The following AKR1C3 variants were observed in gnomAD, a reference collection of about 807,000 sequenced individuals.
AKR1C3 encodes 3-alpha hydroxysteroid dehydrogenase, type II.
A neutral mutation model predicts 43.6 loss-of-function variants in AKR1C3; 48 were observed. The ratio of observed to expected loss-of-function variants is 1.10; its 90% CI spans 0.87 to 1.40. The LOEUF is 1.40. Among genes scored for constraint, AKR1C3 ranks in the 40% most tolerant of loss-of-function variants. The pLI is 0.00. For missense variants in AKR1C3, 482 were observed against 391.2 expected, an observed-to-expected ratio of 1.23 and a Z score of -1.96; for synonymous variants, 162 against 139.6, an observed-to-expected ratio of 1.16 and a Z score of -1.13.
At chr10:5,085,946 T>C (rs1477994214) in intron 1 of AKR1C3, among the ~76,000 whole-genome samples, 1 of 151,822 alleles carries the variant, frequency 6.6e-6, no homozygotes, top group Non-Finnish European at 1.5e-5. Flanking sequence ...TTTTATTGCG[T>C]CTATTTGATT....
intron 1 of AKR1C3, among the ~76,000 whole-genome samples, chr10:5,095,675 T>G (rs1479294740): frequency 6.6e-6 from 1 of 152,150 alleles, no homozygotes; most frequent in African/African-American, 2.4e-5. Context: ...ATTTTAAATT[T>G]CACTGGAATT....
At chr10:5,090,049 A>G (rs1554783921), upstream of AKR1C3, among the ~76,000 whole-genome samples, 1 of 152,094 alleles carries the variant, frequency 6.6e-6, no homozygotes, top group East Asian at 1.9e-4. Context: ...TTCACAGGCC[A>G]GTAGAGGGTA....
Position 5,097,450 on chromosome 10 carries a change from A to T in AKR1C3, c.269A>T (p.His90Leu), listed in dbSNP as rs200981816. 6.2e-7 allele frequency: 1 copy of T among 1,613,676 alleles called. No individual in the cohort carries two copies. Among genetic ancestry groups the T allele is most frequent in the East Asian group, 2.2e-5 (1 of 44,866 alleles). ...CCTCTGCAGCTTTGGTCCACTTTTC[A>T]TCGACCAGAGTTGGTCCGACCAGCC... Reference protein sequence around the residue: ...FYTSKLWSTFHRPELVRPALE... With the variant: ...FYTSKLWSTFLRPELVRPALE... Residue 90 changes from histidine to leucine, a missense_variant, in exon 3 of 9, where the codon CAT becomes CTT. His to Leu is a moderately conservative substitution (Grantham distance 99). Coordinates refer to ENST00000380554, the MANE Select transcript of AKR1C3 (RefSeq NM_003739.6).
chr10:5,094,545 TTA>T lies in AKR1C3; in HGVS notation c.84+18_84+19del. 6.2e-7 allele frequency: 1 copy of T among 1,611,842 alleles called. No homozygotes were observed. The highest frequency in any genetic ancestry group is 8.5e-7 in the Non-Finnish European group (1 of 1,178,324). ...CCTCCAGAGGTAAGAATAATTCCTT[TTA>T]GTTTTCGGATTTCAAAAGAATAAAC... On this transcript the variant is annotated intron_variant, in intron 1 of 8. Transcript: ENST00000380554.
chr10:5,052,095 C>T (rs568124805), intron 1 of AKR1C3, among the ~76,000 whole-genome samples: 37 of 152,186 alleles, frequency 2.4e-4, no homozygotes, highest in Non-Finnish European at 3.2e-4. Context: ...TTCTGATGTT[C>T]GGACGTATTC....
chr10:5,097,347 G>C (rs1422880502), intron 2 of AKR1C3, 87 bp from the exon 3 acceptor site: 45 of 1,501,412 alleles, frequency 3.0e-5, no homozygotes, highest in Non-Finnish European at 4.0e-5. Flanking sequence ...GAAGCAGTAG[G>C]AAAATATCTA....
intron 7 of AKR1C3, among the ~76,000 whole-genome samples, chr10:5,103,444 A>C (rs376805287): frequency 1.3e-5 from 2 of 152,180 alleles, no homozygotes; most frequent in African/African-American, 4.8e-5. Context: ...ATAGGGGTTT[A>C]AGATGAAAAC....
intron 1 of AKR1C3, among the ~76,000 whole-genome samples, chr10:5,094,778 CA>C (rs1247095015): frequency 6.6e-6 from 1 of 152,232 alleles, no homozygotes; most frequent in East Asian, 1.9e-4. Flanking sequence ...CCCAGCTTGG[CA>C]GAATATGTAA....
intron 1 of AKR1C3, among the ~76,000 whole-genome samples, chr10:5,069,100 T>G (rs1350001019): frequency 6.9e-6 from 1 of 144,774 alleles, no homozygotes; most frequent in Non-Finnish European, 1.5e-5. Flanking sequence ...CTTATATTAT[T>G]ATTAAACCAA....
intron 1 of AKR1C3, among the ~76,000 whole-genome samples, chr10:5,067,073 A>G (rs1437573227): frequency 1.3e-5 from 2 of 152,222 alleles, no homozygotes; most frequent in Non-Finnish European, 2.9e-5. Flanking sequence ...AATGATTATT[A>G]GGCAACATAT....
rs782544036 is a variant in AKR1C3, at chr10:5,107,447, T to C, written c.930-14T>C. 2.0e-6 allele frequency: 3 copies of C among 1,526,032 alleles called. No individual in the cohort carries two copies. Among genetic ancestry groups the C allele is most frequent in the Non-Finnish European group, 2.7e-6 (3 of 1,100,242 alleles). 94.5% of individuals were successfully genotyped at this position (1,526,032 alleles called of 1,614,324 possible). A position where few individuals can be genotyped will look rare whatever the true frequency, so the allele number is the denominator to read the frequency against. On this transcript the variant is annotated splice_polypyrimidine_tract_variant and intron_variant, in intron 8 of 8. Coordinates refer to ENST00000380554, the MANE Select transcript of AKR1C3 (RefSeq NM_003739.6). ...GAGTCATTGCATTTATATTATACAT[T>C]ATTCTCTTTTCAGTTTTGCTAGCCA...
chr10:5,098,459 C>T (rs1459893685), intron 3 of AKR1C3, among the ~76,000 whole-genome samples: 1 of 152,108 alleles, frequency 6.6e-6, no homozygotes, highest in Non-Finnish European at 1.5e-5. Context: ...GAGTACAATC[C>T]ATTATTTTTG....
In AKR1C3 at chr10:5,105,637, G is replaced by A; in HGVS notation, c.889G>A (p.Asp297Asn). The A allele has an allele frequency of 6.2e-7, 1 of 1,614,050 alleles. No individual in the cohort carries two copies. ...GACTGCAGAGGACATGAAAGCCATA[G>A]ATGGCCTAGACAGAAATCTCCACTA... ...QLTAEDMKAIDGLDRNLHYFN... is the reference protein window; with the variant it reads ...QLTAEDMKAINGLDRNLHYFN... Residue 297 changes from aspartate (D) to asparagine (N), a missense_variant, in exon 8 of 9, where the codon GAT becomes AAT. Coordinates refer to ENST00000380554, the MANE Select transcript of AKR1C3 (RefSeq NM_003739.6).
intron 1 of AKR1C3, among the ~76,000 whole-genome samples, chr10:5,082,271 C>A (rs1554782434): frequency 6.6e-6 from 1 of 152,044 alleles, no homozygotes; most frequent in African/African-American, 2.4e-5. Context: ...ACTTAAATGC[C>A]TTTTATTTAT....
upstream of AKR1C3, chr10:5,094,155 AAT>A (rs1839155572): frequency 4.6e-6 from 1 of 217,248 alleles, no homozygotes; most frequent in South Asian, 6.8e-5. Flanking sequence ...TGAATAATTT[AAT>A]ATAGAGATTT....
chr10:5,080,625 TCAAACAAACAAA>T (rs59461346), intron 1 of AKR1C3: 2 of 151,704 alleles, frequency 1.3e-5, no homozygotes, highest in Non-Finnish European at 2.9e-5. Flanking sequence ...AGACTCCGTC[TCAAACAAACAAA>T]CAAACAAACA....
At chr10:5,100,575 A>G (rs1183651195) in intron 5 of AKR1C3, among the ~76,000 whole-genome samples, 1 of 152,200 alleles carries the variant, frequency 6.6e-6, no homozygotes, top group African/African-American at 2.4e-5. Context: ...GTCACAAAAA[A>G]ATTCAAAATT....
chr10:5,090,752 A>C (rs184003319), upstream of AKR1C3, among the ~76,000 whole-genome samples: 29 of 152,246 alleles, frequency 1.9e-4, no homozygotes, highest in East Asian at 1.9e-3. Flanking sequence ...TTCCAATTTC[A>C]AATTTCACAT....
At chr10:5,072,749 TATAAAA>T (rs1326302241) in intron 1 of AKR1C3, among the ~76,000 whole-genome samples, 2 of 152,162 alleles carry the variant, frequency 1.3e-5, no homozygotes, top group African/African-American at 4.8e-5. Flanking sequence ...TGGAGAATGT[TATAAAA>T]AGAATGTTTG....
Sources: gnomAD v4.1 joint callset for allele counts (sites outside exome capture counted in the v4.1 genomes callset) on GRCh38, gnomAD v4.1.1 for gene constraint, MANE v1.5 for transcripts, NCBI Gene and HGNC (gene_info 2026-07-23, HGNC 2026-07-21) for gene names.